TRIT1: variants seen among roughly 807,000 people sequenced by gnomAD.
TRIT1 encodes the protein tRNA dimethylallyltransferase.
Under a neutral mutation model 51.2 loss-of-function variants are expected in TRIT1, and 43 were observed. The ratio of observed to expected loss-of-function variants is 0.84; its 90% CI spans 0.66 to 1.08. The LOEUF (loss-of-function observed/expected upper bound fraction) is 1.08. Ranked by LOEUF, TRIT1 falls within the 50% of genes least tolerant of loss-of-function variation. TRIT1 has a pLI of 0.00. For synonymous variants in TRIT1, 184 were observed against 203.9 expected (o/e 0.90, Z 0.83); for missense variants, 528 against 578.4 (o/e 0.91, Z 0.89).
chr1:39,864,384 T>C (rs1395910076), intron 1 of TRIT1, among the ~76,000 whole-genome samples: 1 of 151,146 alleles, frequency 6.6e-6, no homozygotes, highest in Admixed American at 6.6e-5. Flanking sequence ...CTGAGGCAGG[T>C]GGATCACGAG....
rs765383080 is a variant in TRIT1 at position 39,852,785 on chromosome 1, A to T, written c.506T>A (p.Val169Glu). The T allele has an allele frequency of 6.2e-7, 1 of 1,614,198 alleles. No homozygotes were observed. The highest frequency in any genetic ancestry group is 1.7e-5 in the Admixed American group (1 of 60,022). Residue 169 changes from valine to glutamate, a missense_variant, in exon 4 of 11, where the codon GTG becomes GAG. Physicochemically the swap from Val to Glu is moderately radical, Grantham distance 121 (BLOSUM62 -2). Transcript: ENST00000316891. ...CAGCTTGGCAGCCATTTCTGGGTCC[A>T]CCTGGCTTAGGCGTTTGTGAAGTAC... ...GLVLHKRLSQ[V>E]DPEMAAKLHP...
intron 7 of TRIT1, 34 bp downstream of exon 7, chr1:39,847,514 T>A (rs1306191055): frequency 6.2e-7 from 1 of 1,605,638 alleles, no homozygotes; most frequent in Non-Finnish European, 8.5e-7. Flanking sequence ...CACCCAAAGA[T>A]GTCCAAGACT....
intron 3 of TRIT1, among the ~76,000 whole-genome samples, chr1:39,853,429 C>T (rs1322412326): frequency 6.6e-6 from 1 of 151,430 alleles, no homozygotes; most frequent in Non-Finnish European, 1.5e-5. Context: ...CAGGGTCTCG[C>T]TCTGTTGCCC....
At chr1:39,856,490 A>G (rs1642908705) in intron 2 of TRIT1, among the ~76,000 whole-genome samples, 1 of 147,200 alleles carries the variant, frequency 6.8e-6, no homozygotes, top group East Asian at 2.1e-4. Context: ...TCTAGGAGAA[A>G]AAAAAAAAAA....
rs60513884 is a variant in TRIT1, at chr1:39,876,556, C to CTA, written c.174+6760_174+6761dup. ...TCTATCTATCTATCTATCTATCTAT[C>CTA]TATATATATATATGAATGATGAGTC... On this transcript the variant is annotated intron_variant, in intron 1 of 10. Coordinates refer to ENST00000316891, the MANE Select transcript of TRIT1 (RefSeq NM_017646.6). 4.4e-3 allele frequency among the ~76,000 whole-genome samples: 620 copies of CTA among 141,400 alleles called. 3 individuals are homozygous for CTA. Among genetic ancestry groups the CTA allele is most frequent in the Non-Finnish European group, 6.9e-3 (459 of 66,898 alleles). 92.8% of individuals were successfully genotyped at this position (141,400 alleles called of 152,430 possible). A position where few individuals can be genotyped will look rare whatever the true frequency, so the allele number is the denominator to read the frequency against.
At chr1:39,854,215 T>C (rs1305926951) in intron 2 of TRIT1, 147 bp from the exon 3 acceptor site, 3 of 607,794 alleles carry the variant, frequency 4.9e-6, no homozygotes, top group Non-Finnish European at 8.5e-6. Flanking sequence ...CCTCAGTGTT[T>C]CCAACAAATT....
chr1:39,872,179 T>A (rs1273494940), intron 1 of TRIT1, among the ~76,000 whole-genome samples: 1 of 151,266 alleles, frequency 6.6e-6, no homozygotes, highest in African/African-American at 2.4e-5. Flanking sequence ...CCAAAGTGCT[T>A]GGATTAGAGG....
intron 8 of TRIT1, among the ~76,000 whole-genome samples, chr1:39,846,449 T>C (rs965069509): frequency 6.6e-6 from 1 of 152,178 alleles, no homozygotes; most frequent in Non-Finnish European, 1.5e-5. Context: ...AACCACATAG[T>C]TTTTACCCAT....
At chr1:39,874,226 C>A (rs1261358571) in intron 1 of TRIT1, among the ~76,000 whole-genome samples, 1 of 152,000 alleles carries the variant, frequency 6.6e-6, no homozygotes, top group Non-Finnish European at 1.5e-5. Context: ...AACTTTAGTA[C>A]AATTAATATT....
At chr1:39,866,378 G>C (rs1459113173) in intron 1 of TRIT1, among the ~76,000 whole-genome samples, 1 of 152,138 alleles carries the variant, frequency 6.6e-6, no homozygotes, top group Non-Finnish European at 1.5e-5. Flanking sequence ...CGGGAGAAAA[G>C]ATAGTTTTAG....
chr1:39,876,528 G>GTATATATATATCTATCTATC (rs143110843), intron 1 of TRIT1, among the ~76,000 whole-genome samples: 2 of 127,546 alleles, frequency 1.6e-5, no homozygotes, highest in Admixed American at 7.5e-5. Context: ...ATTTATATGT[G>GTATATATATATCTATCTATC]TATCTATCTA....
chr1:39,877,690 C>T (rs1644118582), intron 1 of TRIT1, among the ~76,000 whole-genome samples: 1 of 152,126 alleles, frequency 6.6e-6, no homozygotes, highest in East Asian at 1.9e-4. Context: ...CGGCACTGTA[C>T]CTTGAATTTA....
chr1:39,848,138 G>A, intron 5 of TRIT1, 41 bp from the exon 6 acceptor site: 1 of 1,475,142 alleles, frequency 6.8e-7, no homozygotes, highest in Non-Finnish European at 9.5e-7. Context: ...GCAAGTTGTA[G>A]GTACCTACTA....
intron 1 of TRIT1, among the ~76,000 whole-genome samples, chr1:39,871,431 T>C (rs1271140823): frequency 1.3e-5 from 2 of 151,932 alleles, no homozygotes; most frequent in Non-Finnish European, 2.9e-5. Flanking sequence ...AATACAAAAA[T>C]GAGCCAGGTG....
rs1426799142 is a variant in TRIT1, at chr1:39,840,577, T to C, written c.*1167A>G. The stretch of plus-strand genomic sequence containing the variant: ...GCAAGAACCACATCTCATCTCTGCA[T>C]TCCCTTTAGCCTAATTCAGGGCCTC... On this transcript the variant is annotated 3_prime_UTR_variant, in exon 11 of 11. Coordinates refer to ENST00000316891, the MANE Select transcript of TRIT1 (RefSeq NM_017646.6). 6.6e-6 allele frequency among the ~76,000 whole-genome samples: 1 copy of C among 152,186 alleles called. No homozygotes were observed. The highest frequency in any genetic ancestry group is 1.5e-5 in the Non-Finnish European group (1 of 68,042).
At chr1:39,882,832 C>A (rs1338432924) in intron 1 of TRIT1, among the ~76,000 whole-genome samples, 1 of 152,180 alleles carries the variant, frequency 6.6e-6, no homozygotes, top group South Asian at 2.1e-4. Flanking sequence ...GACTAGAATC[C>A]AGGTCTCCTG....
At chr1:39,857,196 T>C (rs1028884692) in intron 2 of TRIT1, 81 bp downstream of exon 2, 7 of 1,487,758 alleles carry the variant, frequency 4.7e-6, no homozygotes, top group Admixed American at 4.6e-5. Context: ...TGAGAAGAAA[T>C]TGCCACTAGA....
At chr1:39,878,434 G>C (rs947785488) in intron 1 of TRIT1, among the ~76,000 whole-genome samples, 1 of 152,174 alleles carries the variant, frequency 6.6e-6, no homozygotes, top group African/African-American at 2.4e-5. Flanking sequence ...GTGTTGCCTT[G>C]GATGACCCTA....
intron 1 of TRIT1, among the ~76,000 whole-genome samples, chr1:39,864,033 A>C (rs1430479696): frequency 2.0e-5 from 3 of 152,008 alleles, no homozygotes; most frequent in Admixed American, 2.0e-4. Context: ...CTGGGATTAT[A>C]GGTACCTGCC....
Sources: allele counts gnomAD v4.1 joint callset (sites outside exome capture counted in the v4.1 genomes callset), GRCh38; gene constraint gnomAD v4.1.1; transcripts MANE v1.5; gene names NCBI Gene and HGNC (gene_info 2026-07-23, HGNC 2026-07-21).